KASH5: variants seen among roughly 807,000 people sequenced by gnomAD.
The protein encoded by KASH5 is protein KASH5.
Under a neutral mutation model 84.2 loss-of-function variants are expected in KASH5, and 72 were observed. That is an observed-to-expected ratio of 0.85 (90% CI 0.71 to 1.04). The LOEUF is 1.04. KASH5 is among the 50% of genes least tolerant of loss of function. KASH5 has a pLI of 0.00. For synonymous variants in KASH5, 260 were observed against 279.1 expected (o/e 0.93, Z 0.68); for missense variants, 650 against 701.0 (o/e 0.93, Z 0.82).
In KASH5 at chr19:49,417,012, C is replaced by T. The variant is rs1270948478; in HGVS notation, c.1375-3C>T. ...CTCCAACGCATCTCTTCTGTCCTTG[C>T]AGGCTGATCTCCCTGTCCCTCTAGG... On this transcript the variant is annotated splice_region_variant and splice_polypyrimidine_tract_variant and intron_variant, in intron 17 of 19. Coordinates refer to ENST00000447857, the MANE Select transcript of KASH5 (RefSeq NM_144688.5). The surrounding 1 kb of genome is among the most constrained non-coding windows in gnomAD (Gnocchi z 5.2). 1.0e-5 allele frequency: 16 copies of T among 1,583,676 alleles called. No individual in the cohort carries two copies. The highest frequency in any genetic ancestry group is 8.1e-5 in the South Asian group (7 of 86,578).
chr19:49,402,674 T>C (rs1256708613), intron 9 of KASH5, among the ~76,000 whole-genome samples: 1 of 152,096 alleles, frequency 6.6e-6, no homozygotes, highest in Non-Finnish European at 1.5e-5. Flanking sequence ...GCCACCGCAT[T>C]CTAGCCTGGG....
chr19:49,416,304 T>C lies in KASH5; in HGVS notation c.1375-711T>C, dbSNP rs1974902130. 6.6e-6 allele frequency among the ~76,000 whole-genome samples: 1 copy of C among 152,206 alleles called. No homozygotes were observed. The highest frequency in any genetic ancestry group is 2.1e-4 in the South Asian group (1 of 4,828). On this transcript the variant is annotated intron_variant, in intron 17 of 19. Transcript: ENST00000447857. The surrounding 1 kb of genome is among the most constrained non-coding windows in gnomAD (Gnocchi z 5.4). Reference sequence around the variant, plus strand: ...ACCTCCCAGGTTCACACCATTCTCCTGCCTCAGCCTCCCAAGTAGCTGGGA... The same window carrying C: ...ACCTCCCAGGTTCACACCATTCTCCCGCCTCAGCCTCCCAAGTAGCTGGGA...
Position 49,395,197 on chromosome 19 carries a change from C to T in KASH5, c.240C>T (p.Ser80=), listed in dbSNP as rs1208377857. Residue 80 remains serine (S), a synonymous_variant, in exon 4 of 20, where the codon AGC becomes AGT. Transcript: ENST00000447857. The surrounding 1 kb of genome is among the most constrained non-coding windows in gnomAD (Gnocchi z 4.4). ...CACGCCTCCAAACATTGGCCAACAG[C>T]CTGGACCCCAATGGGGAGGGCCCTA... ...QDARLQTLAN[S]LDPNGEGPKA... 6.2e-7 allele frequency: 1 copy of T among 1,612,882 alleles called. No individual in the cohort carries two copies. Among genetic ancestry groups the T allele is most frequent in the African/African-American group, 1.3e-5 (1 of 74,968 alleles).
intron 2 of KASH5, among the ~76,000 whole-genome samples, chr19:49,393,181 T>C (rs1168671182): frequency 6.6e-6 from 1 of 152,192 alleles, no homozygotes; most frequent in African/African-American, 2.4e-5. Flanking sequence ...GGGATTATAA[T>C]AGCATCGATT....
intron 11 of KASH5, 124 bp from the exon 12 acceptor site, chr19:49,407,488 G>C (rs974396185): frequency 8.5e-7 from 1 of 1,179,662 alleles, no homozygotes; most frequent in Non-Finnish European, 1.2e-6. Context: ...GCTCTCCCTT[G>C]TGCCCCAGCT....
chr19:49,392,837 T>C (rs1193542292), intron 2 of KASH5, among the ~76,000 whole-genome samples: 1 of 151,164 alleles, frequency 6.6e-6, no homozygotes, highest in Non-Finnish European at 1.5e-5. Flanking sequence ...GCTTGAACCT[T>C]GGAGGCAGAA....
At chr19:49,407,402 G>A in intron 11 of KASH5, 106 bp downstream of exon 11, 1 of 1,296,654 alleles carries the variant, frequency 7.7e-7, no homozygotes, top group Non-Finnish European at 1.1e-6. Context: ...CCTTGGATGT[G>A]CAGCTGGAGA....
Position 49,397,976 on chromosome 19 carries a change from C to A in KASH5, c.468-6C>A, listed in dbSNP as rs753846601. 8.1e-6 allele frequency: 13 copies of A among 1,613,552 alleles called. No individual in the cohort carries two copies. Among genetic ancestry groups the A allele is most frequent in the Non-Finnish European group, 1.1e-5 (13 of 1,179,690 alleles). ...ACAGTGACCTGAACCCCTTCCTTGC[C>A]CCTAGACAAGCCACAGCTGACCTGC... On this transcript the variant is annotated splice_polypyrimidine_tract_variant and splice_region_variant and intron_variant, in intron 6 of 19. Coordinates refer to ENST00000447857, the MANE Select transcript of KASH5 (RefSeq NM_144688.5).
chr19:49,405,411 C>G (rs1017905995), intron 9 of KASH5, among the ~76,000 whole-genome samples: 1 of 148,036 alleles, frequency 6.8e-6, no homozygotes, highest in African/African-American at 2.5e-5. Context: ...GAGCCGAGAT[C>G]ACGCCATTGC....
intron 9 of KASH5, among the ~76,000 whole-genome samples, chr19:49,406,622 G>A (rs925285532): frequency 3.3e-5 from 5 of 152,108 alleles, no homozygotes; most frequent in Admixed American, 6.6e-5. Flanking sequence ...TGATCCGCCC[G>A]CCTCAGCCTC....
intron 11 of KASH5, 133 bp from the exon 12 acceptor site, chr19:49,407,479 C>A: frequency 8.8e-7 from 1 of 1,134,520 alleles, no homozygotes; most frequent in Non-Finnish European, 1.3e-6. Flanking sequence ...CTGCCCGGTG[C>A]TCTCCCTTGT....
chr19:49,395,903 G>A lies in KASH5; in HGVS notation c.400+70G>A. ...GACAGTGTGGGGACTTACCACCCAG[G>A]GCAGAGCAAGGGATAGGGTAGGAAC... On this transcript the variant is annotated intron_variant, in intron 5 of 19. Transcript: ENST00000447857. The surrounding 1 kb of genome is among the most constrained non-coding windows in gnomAD (Gnocchi z 4.4). The A allele has an allele frequency of 7.7e-7, 1 of 1,300,676 alleles. No homozygotes were observed. Among genetic ancestry groups the A allele is most frequent in the Non-Finnish European group, 1.1e-6 (1 of 928,884 alleles). The allele number at this position is 1,300,676 out of a possible 1,614,324, so 80.6% of individuals were successfully genotyped here. A position where few individuals can be genotyped will look rare whatever the true frequency, so the allele number is the denominator to read the frequency against.
At position 49,399,160 on chromosome 19, in the gene KASH5, G is replaced by A. The variant is rs1974282638; in HGVS notation, c.747+18G>A. ...GGCAGGCGGTGGGTCTGGCCCAGGGGAAGGAAGGTGCCCTCTCTCTTCTTT... is the reference window on the plus strand; with the variant it reads ...GGCAGGCGGTGGGTCTGGCCCAGGGAAAGGAAGGTGCCCTCTCTCTTCTTT... On this transcript the variant is annotated intron_variant, in intron 8 of 19. Transcript: ENST00000447857. The surrounding 1 kb of genome is among the most constrained non-coding windows in gnomAD (Gnocchi z 4.4). 3 of 1,531,452 alleles carry A rather than the reference G, an allele frequency of 2.0e-6. No individual in the cohort carries two copies. Among genetic ancestry groups the A allele is most frequent in the Admixed American group, 2.1e-5 (1 of 46,732 alleles). 94.9% of individuals were successfully genotyped at this position (1,531,452 alleles called of 1,614,324 possible).
In KASH5 at chr19:49,396,242, A is replaced by ATTTTTTTTTTTTTTTTTTTTTT. The variant is rs1568611428; in HGVS notation, c.400+409_400+410insTTTTTTTTTTTTTTTTTTTTTT. On this transcript the variant is annotated intron_variant, in intron 5 of 19. Transcript: ENST00000447857. ...CACTCCTTGCTCCCCACCCTGCTGG[A>ATTTTTTTTTTTTTTTTTTTTTT]CTTTTTTTTTTTTTTTTTTTTTTTT... Among the ~76,000 whole-genome samples, 2 of 122,904 alleles carry ATTTTTTTTTTTTTTTTTTTTTT rather than the reference A, an allele frequency of 1.6e-5. 1 individual carries two copies. Among genetic ancestry groups the ATTTTTTTTTTTTTTTTTTTTTT allele is most frequent in the African/African-American group, 6.3e-5 (2 of 31,666 alleles). The allele number at this position is 122,904 out of a possible 152,430, so 80.6% of individuals were successfully genotyped here.
In KASH5 at chr19:49,399,330, G is replaced by C; in HGVS notation, c.748-127G>C. 2 of 1,018,398 alleles carry C rather than the reference G, an allele frequency of 2.0e-6. No homozygotes were observed. Among genetic ancestry groups the C allele is most frequent in the Non-Finnish European group, 2.9e-6 (2 of 682,694 alleles). The allele number at this position is 1,018,398 out of a possible 1,614,324, so 63.1% of individuals were successfully genotyped here. A position where few individuals can be genotyped will look rare whatever the true frequency, so the allele number is the denominator to read the frequency against. Reference sequence around the variant, plus strand: ...CCTTCTCATGACAAAGGAGACAGCAGGAGCCATCAGGGCTTCCCAGACCCA... The same window carrying C: ...CCTTCTCATGACAAAGGAGACAGCACGAGCCATCAGGGCTTCCCAGACCCA... On this transcript the variant is annotated intron_variant, in intron 8 of 19. Transcript: ENST00000447857. The surrounding 1 kb of genome is among the most constrained non-coding windows in gnomAD (Gnocchi z 4.4).
chr19:49,404,887 C>G (rs7248378), intron 9 of KASH5, among the ~76,000 whole-genome samples: 2 of 151,938 alleles, frequency 1.3e-5, no homozygotes, highest in Non-Finnish European at 2.9e-5. Context: ...ATCTACCTAC[C>G]AGTTTATAAG....
chr19:49,397,810 G>C, intron 6 of KASH5, 93 bp downstream of exon 6: 1 of 1,495,874 alleles, frequency 6.7e-7, no homozygotes, highest in Non-Finnish European at 9.2e-7. Context: ...ATCCTTCAGG[G>C]AAATGAATGA....
At chr19:49,400,619 C>T (rs1248322830) in intron 9 of KASH5, among the ~76,000 whole-genome samples, 5 of 151,944 alleles carry the variant, frequency 3.3e-5, no homozygotes, top group African/African-American at 1.2e-4. Context: ...AAACTCCCGA[C>T]CTCAGGTGAT....
chr19:49,402,579 C>T (rs759901701), intron 9 of KASH5, among the ~76,000 whole-genome samples: 5 of 151,788 alleles, frequency 3.3e-5, no homozygotes, highest in Admixed American at 6.6e-5. Flanking sequence ...TGGTGGCAGG[C>T]GTCTGTAATC....
Sources: allele counts gnomAD v4.1 joint callset (sites outside exome capture counted in the v4.1 genomes callset), GRCh38; gene constraint gnomAD v4.1.1; non-coding constraint Gnocchi (gnomAD v3.1); transcripts MANE v1.5; gene names NCBI Gene and HGNC (gene_info 2026-07-23, HGNC 2026-07-21).